Variants in SYNPR observed in about 807,000 individuals in gnomAD.
SYNPR encodes the protein synaptoporin.
In SYNPR, 23 loss-of-function variants were observed where a neutral mutation model predicts 32.9. That is an observed-to-expected ratio of 0.70 (90% CI 0.50 to 0.99). The LOEUF is 0.99. Ranked by LOEUF, SYNPR falls within the 50% of genes least tolerant of loss-of-function variation. The pLI, the probability that SYNPR is intolerant of heterozygous loss-of-function variation, is 0.00. For missense variants in SYNPR, 318 were observed against 349.3 expected, an observed-to-expected ratio of 0.91 and a Z score of 0.71; for synonymous variants, 146 against 135.9, an observed-to-expected ratio of 1.07 and a Z score of -0.52.
intron 3 of SYNPR, among the ~76,000 whole-genome samples, chr3:63,272,531 TA>T (rs776951944): frequency 6.0e-4 from 89 of 148,318 alleles, no homozygotes; most frequent in East Asian, 3.1e-3. Context: ...TTTTTTTGGA[TA>T]AACATAGAAA....
chr3:63,421,401 T>C (rs1366716723), intron 2 of SYNPR, among the ~76,000 whole-genome samples: 1 of 150,690 alleles, frequency 6.6e-6, no homozygotes. Flanking sequence ...AGTATATCCA[T>C]ACACTGAAAA....
the SYNPR span, among the ~76,000 whole-genome samples, chr3:63,220,887 T>C: frequency 6.6e-6 from 1 of 152,192 alleles, no homozygotes; most frequent in East Asian, 1.9e-4. Flanking sequence ...TGTCATAACT[T>C]AGTGTTATTT....
chr3:63,515,812 A>G (rs1701786925), intron 3 of SYNPR, among the ~76,000 whole-genome samples: 2 of 152,156 alleles, frequency 1.3e-5, no homozygotes, highest in South Asian at 4.1e-4. Flanking sequence ...TATATATACT[A>G]TAGTCATATT....
intron 2 of SYNPR, among the ~76,000 whole-genome samples, chr3:63,405,278 A>C (rs2088343866): frequency 1.3e-5 from 2 of 152,190 alleles, no homozygotes; most frequent in Non-Finnish European, 1.5e-5. Context: ...GTGGTCTAAC[A>C]GAAGAAATAC....
At chr3:63,475,818 T>C (rs187154408) in intron 2 of SYNPR, among the ~76,000 whole-genome samples, 1 of 152,230 alleles carries the variant, frequency 6.6e-6, no homozygotes, top group African/African-American at 2.4e-5. Flanking sequence ...AGTTATTCTA[T>C]CTTTTCTGTC....
intron 2 of SYNPR, among the ~76,000 whole-genome samples, chr3:63,334,188 G>A (rs1043563103): frequency 3.3e-5 from 5 of 152,030 alleles, no homozygotes; most frequent in Non-Finnish European, 1.5e-5. Flanking sequence ...TTTTTCTTCA[G>A]CATGTAAAAG....
At chr3:63,262,376 C>T (rs2086446504) in intron 2 of SYNPR, among the ~76,000 whole-genome samples, 1 of 152,078 alleles carries the variant, frequency 6.6e-6, no homozygotes, top group African/African-American at 2.4e-5. Flanking sequence ...TGCTCTGAGG[C>T]CCAATGTGCT....
intron 4 of SYNPR, among the ~76,000 whole-genome samples, chr3:63,584,996 T>G (rs964794991): frequency 6.6e-6 from 1 of 152,122 alleles, no homozygotes; most frequent in Non-Finnish European, 1.5e-5. Flanking sequence ...AGCTTTGTCG[T>G]GCATAAAGTT....
chr3:63,605,110 TC>T, intron 4 of SYNPR, among the ~76,000 whole-genome samples: 1 of 152,150 alleles, frequency 6.6e-6, no homozygotes, highest in East Asian at 1.9e-4. Context: ...GGAACTGACA[TC>T]TTATGGGAAG....
At chr3:63,352,844 A>G (rs183739389) in intron 2 of SYNPR, among the ~76,000 whole-genome samples, 18 of 152,230 alleles carry the variant, frequency 1.2e-4, no homozygotes, top group Admixed American at 7.9e-4. Context: ...TTAAACCATC[A>G]TATCTCCTAA....
At chr3:63,269,426 T>C (rs1575581412) in intron 3 of SYNPR, among the ~76,000 whole-genome samples, 1 of 151,826 alleles carries the variant, frequency 6.6e-6, no homozygotes, top group African/African-American at 2.4e-5. Context: ...GAGGCAGAGG[T>C]TTCAGTGAGC....
intron 4 of SYNPR, among the ~76,000 whole-genome samples, chr3:63,563,755 C>G (rs991001086): frequency 6.6e-6 from 1 of 152,100 alleles, no homozygotes; most frequent in African/African-American, 2.4e-5. Context: ...CATTATAACT[C>G]TCCTACAAAT....
At chr3:63,570,206 A>G (rs1702861748) in intron 4 of SYNPR, among the ~76,000 whole-genome samples, 1 of 152,122 alleles carries the variant, frequency 6.6e-6, no homozygotes, top group African/African-American at 2.4e-5. Flanking sequence ...CACTTAGGGG[A>G]ACAGGGCGGG....
chr3:63,410,786 C>T (rs530104124), intron 2 of SYNPR, among the ~76,000 whole-genome samples: 2 of 152,148 alleles, frequency 1.3e-5, no homozygotes, highest in Non-Finnish European at 2.9e-5. Context: ...AAAATGCTTA[C>T]ACTGGTATCT....
chr3:63,329,826 T>C (rs1265708480), intron 2 of SYNPR, among the ~76,000 whole-genome samples: 1 of 152,146 alleles, frequency 6.6e-6, no homozygotes, highest in Admixed American at 6.5e-5. Flanking sequence ...GACTAGAAAT[T>C]CGCTGTCCAG....
chr3:63,356,523 A>C (rs1294402191), intron 2 of SYNPR, among the ~76,000 whole-genome samples: 1 of 152,242 alleles, frequency 6.6e-6, no homozygotes, highest in African/African-American at 2.4e-5. Context: ...AGAGAGACAG[A>C]TTAAACAATT....
intron 2 of SYNPR, among the ~76,000 whole-genome samples, chr3:63,408,212 GGA>G (rs1341800320): frequency 1.3e-5 from 1 of 77,710 alleles, no homozygotes; most frequent in African/African-American, 6.0e-5. Flanking sequence ...AAGGAAGGAA[GGA>G]AGGAAGGAAG....
chr3:63,365,588 C>T (rs764097092), intron 2 of SYNPR, among the ~76,000 whole-genome samples: 1 of 152,058 alleles, frequency 6.6e-6, no homozygotes, highest in Non-Finnish European at 1.5e-5. Context: ...ACAAAAATAT[C>T]ACAAGGATAT....
At chr3:63,595,786 G>A (rs78955432) in intron 4 of SYNPR, among the ~76,000 whole-genome samples, 2 of 20,450 alleles carry the variant, frequency 9.8e-5, no homozygotes, top group African/African-American at 3.4e-4. Flanking sequence ...TATATATATA[G>A]TTATATATAT....
Sources: allele counts gnomAD v4.1 joint callset (sites outside exome capture counted in the v4.1 genomes callset), GRCh38; gene constraint gnomAD v4.1.1; transcripts MANE v1.5; gene names NCBI Gene and HGNC (gene_info 2026-07-23, HGNC 2026-07-21).